Variants in ANXA2R observed in about 807,000 individuals in gnomAD.
ANXA2R encodes the protein annexin A2 receptor, also known as annexin-2 receptor.
For missense variants in ANXA2R, 244 were observed against 241.5 expected (o/e 1.01, Z -0.07); for synonymous variants, 93 against 93.6 (o/e 0.99, Z 0.04).
rs1034978605 is a variant in ANXA2R, at chr5:43,040,085, G to A, written c.-39C>T. The A allele has an allele frequency of 1.3e-6, 2 of 1,550,362 alleles. No individual in the cohort carries two copies. Among genetic ancestry groups the A allele is most frequent in the African/African-American group, 2.7e-5 (2 of 73,046 alleles). ...GACCAACGTTTGCGCTGATCAAGGA[G>A]GGAGAGTCTCTGCACTACCATCAGC... is the stretch of plus-strand genomic sequence containing the variant. On this transcript the variant is annotated 5_prime_UTR_variant, in exon 1 of 1. Coordinates refer to ENST00000616064, the MANE Select transcript of ANXA2R (RefSeq NM_001014279.3).
At position 43,039,509 on chromosome 5, in the gene ANXA2R, G is replaced by C; in HGVS notation, c.538C>G (p.Leu180Val). 5 of 1,604,890 alleles carry C rather than the reference G, an allele frequency of 3.1e-6. No homozygotes were observed. Among genetic ancestry groups the C allele is most frequent in the Non-Finnish European group, 4.3e-6 (5 of 1,174,930 alleles). ...LRVGFAAFSV[L>V]WACCSRICGA... is the part of the protein sequence containing the mutation. ...CAGATCCGTGAACAGCACGCCCAGAGTACAGAGAACGCGGCAAAACCAACG... is the reference window on the plus strand; with the variant it reads ...CAGATCCGTGAACAGCACGCCCAGACTACAGAGAACGCGGCAAAACCAACG... The change falls in exon 1 of 1, where the codon CTC (leucine) becomes GTC (valine). Residue 180 changes from leucine to valine, a missense_variant. Leu to Val is a conservative substitution (Grantham distance 32). Transcript: ENST00000616064.
Position 43,039,765 on chromosome 5 carries a change from C to T in ANXA2R, c.282G>A (p.Pro94=), listed in dbSNP as rs1048867218. ...GTGCCTCTTGCTGCTTCTGTGTCCCCGGCCAACTGAACTCAGTGGGCTTCG... is the reference window on the plus strand; with the variant it reads ...GTGCCTCTTGCTGCTTCTGTGTCCCTGGCCAACTGAACTCAGTGGGCTTCG... ...STAKPTEFSW[P]GTQKQQEAPV... The change falls in exon 1 of 1, where the codon CCG becomes CCA. Residue 94 remains proline (P), a synonymous_variant. Transcript: ENST00000616064. The T allele has an allele frequency of 1.2e-6, 2 of 1,614,074 alleles. No individual in the cohort carries two copies. The highest frequency in any genetic ancestry group is 1.3e-5 in the African/African-American group (1 of 74,912).
upstream of ANXA2R, chr5:43,042,921 C>G (rs1279718578): frequency 2.0e-5 from 3 of 152,284 alleles, no homozygotes; most frequent in Non-Finnish European, 4.4e-5. This position sits in a 1 kb window ranked among gnomAD's most constrained non-coding sequence, Gnocchi z 5.6. Context: ...AAAAAACTGT[C>G]GTCCCATAGC....
upstream of ANXA2R, chr5:43,042,330 A>G (rs555304333): frequency 1.3e-5 from 2 of 152,772 alleles, no homozygotes; most frequent in South Asian, 4.1e-4. This position sits in a 1 kb window ranked among gnomAD's most constrained non-coding sequence, Gnocchi z 5.6. Flanking sequence ...AGCTGTGAAC[A>G]AGAGACCACG....
chr5:43,042,593 G>A (rs1038275122), upstream of ANXA2R: 1 of 152,740 alleles, frequency 6.5e-6, no homozygotes, highest in Non-Finnish European at 1.5e-5. This position sits in a 1 kb window ranked among gnomAD's most constrained non-coding sequence, Gnocchi z 5.6. Context: ...GGCACTAGAG[G>A]GCCTCGGATG....
In ANXA2R at chr5:43,039,919, A is replaced by G; in HGVS notation, c.128T>C (p.Val43Ala). The G allele has an allele frequency of 6.2e-7, 1 of 1,614,210 alleles. No individual in the cohort carries two copies. Among genetic ancestry groups the G allele is most frequent in the Non-Finnish European group, 8.5e-7 (1 of 1,180,028 alleles). The change falls in exon 1 of 1, where the codon GTA becomes GCA. Residue 43 changes from valine (V) to alanine (A), a missense_variant. Physicochemically the swap from Val to Ala is moderately conservative, Grantham distance 64. Transcript: ENST00000616064. Reference protein sequence around the residue: ...RGPWPLPLYPVLGEYSLDSCD... With the variant: ...RGPWPLPLYPALGEYSLDSCD... The stretch of plus-strand genomic sequence containing the variant: ...GCTGTCCAGTGAGTACTCTCCTAGT[A>G]CTGGATACAAAGGAAGAGGCCACGG...
chr5:43,042,601 A>C (rs900787926), upstream of ANXA2R: 7 of 152,720 alleles, frequency 4.6e-5, no homozygotes, highest in African/African-American at 7.2e-5. This position sits in a 1 kb window ranked among gnomAD's most constrained non-coding sequence, Gnocchi z 5.6. Context: ...AGGGCCTCGG[A>C]TGGAGAAAGC....
Position 43,039,738 on chromosome 5 carries a change from G to A in ANXA2R, c.309C>T (p.Pro103=), listed in dbSNP as rs768074328. ...WPGTQKQQEA[P]VEEVGQAEEP... is the part of the protein sequence containing the mutation. ...CCTCTGCCTGCCCCACCTCTTCTAC[G>A]GGTGCCTCTTGCTGCTTCTGTGTCC... The change falls in exon 1 of 1, where the codon CCC becomes CCT. Residue 103 remains proline, a synonymous_variant. Transcript: ENST00000616064. 1.2e-6 allele frequency: 2 copies of A among 1,614,196 alleles called. No individual in the cohort carries two copies. Among genetic ancestry groups the A allele is most frequent in the Non-Finnish European group, 8.5e-7 (1 of 1,180,044 alleles).
chr5:43,039,621 C>A lies in ANXA2R; in HGVS notation c.426G>T (p.Gly142=). The A allele has an allele frequency of 6.2e-7, 1 of 1,613,782 alleles. No individual in the cohort carries two copies. ...RQQDTEVCDS[G]CLLERRHPPA... is the part of the protein sequence containing the mutation. ...GAGGATGGCGGCGTTCCAAAAGGCA[C>A]CCGCTGTCACAGACCTCGGTGTCCT... is the stretch of plus-strand genomic sequence containing the variant. The change falls in exon 1 of 1, where the codon GGG becomes GGT. Residue 142 remains glycine, a synonymous_variant. Transcript: ENST00000616064.
upstream of ANXA2R, chr5:43,040,845 T>C (rs1742181314): frequency 6.6e-6 from 1 of 152,148 alleles, no homozygotes; most frequent in Admixed American, 6.5e-5. Context: ...TAGGAGATAC[T>C]AGCGGTTGTA....
upstream of ANXA2R, chr5:43,043,050 A>T (rs2111975743): frequency 6.6e-6 from 1 of 152,410 alleles, no homozygotes; most frequent in South Asian, 2.1e-4. Flanking sequence ...ACTTGGTGAA[A>T]CCAACCTTGT....
chr5:43,039,860 G>T lies in ANXA2R; in HGVS notation c.187C>A (p.Arg63=). 6.2e-7 allele frequency: 1 copy of T among 1,614,222 alleles called. No individual in the cohort carries two copies. Among genetic ancestry groups the T allele is most frequent in the Non-Finnish European group, 8.5e-7 (1 of 1,180,038 alleles). Residue 63 remains arginine, a synonymous_variant, in exon 1 of 1, where the codon CGG becomes AGG. Coordinates refer to ENST00000616064, the MANE Select transcript of ANXA2R (RefSeq NM_001014279.3). The part of the protein sequence containing the change: ...DLGLLSSPCW[R]LPGVYWQNGL... ...TTTTGCCAGTAGACTCCGGGCAGCCGCCAGCAAGGGCTGGAAAGCAGTCCC... is the reference window on the plus strand; with the variant it reads ...TTTTGCCAGTAGACTCCGGGCAGCCTCCAGCAAGGGCTGGAAAGCAGTCCC...
upstream of ANXA2R, chr5:43,041,316 A>T (rs1260976725): frequency 1.3e-5 from 2 of 152,150 alleles, no homozygotes; most frequent in Non-Finnish European, 2.9e-5. Context: ...TTTCTGTCAG[A>T]TCTAAACCCC....
chr5:43,043,017 G>A (rs1175253502), upstream of ANXA2R: 5 of 152,298 alleles, frequency 3.3e-5, no homozygotes, highest in Non-Finnish European at 5.9e-5. Flanking sequence ...GCGCAGAGCG[G>A]TGCCAGTGCC....
rs1202793232 is a variant in ANXA2R at position 43,039,977 on chromosome 5, G to T, written c.70C>A (p.Pro24Thr). 6.2e-7 allele frequency: 1 copy of T among 1,613,928 alleles called. No individual in the cohort carries two copies. Among genetic ancestry groups the T allele is most frequent in the South Asian group, 1.1e-5 (1 of 91,080 alleles). Residue 24 changes from proline (P) to threonine (T), a missense_variant, in exon 1 of 1, where the codon CCT (proline) becomes ACT (threonine). Physicochemically the swap from Pro to Thr is conservative, Grantham distance 38. Transcript: ENST00000616064. ...DSAEVAPEPQ[P>T]PPIVSSEDRG... Reference sequence around the variant, plus strand: ...TCTTCTGAACTCACAATAGGTGGAGGCTGGGGCTCTGGCGCCACCTCTGCG... The same window carrying T: ...TCTTCTGAACTCACAATAGGTGGAGTCTGGGGCTCTGGCGCCACCTCTGCG...
rs778480787 is a variant in ANXA2R, at chr5:43,039,535, C to G, written c.512G>C (p.Arg171Pro). The G allele has an allele frequency of 1.2e-6, 2 of 1,612,020 alleles. No homozygotes were observed. Among genetic ancestry groups the G allele is most frequent in the Non-Finnish European group, 1.7e-6 (2 of 1,178,830 alleles). ...TACAGAGAACGCGGCAAAACCAACG[C>G]GAAGAATCCACTCCAGGCAGTCTGA... is the stretch of plus-strand genomic sequence containing the variant. ...GFSDCLEWIL[R>P]VGFAAFSVLW... The change falls in exon 1 of 1, where the codon CGC (arginine) becomes CCC (proline). Residue 171 changes from arginine to proline, a missense_variant. Transcript: ENST00000616064.
Position 43,039,410 on chromosome 5 carries a change from T to C in ANXA2R, c.*55A>G. On this transcript the variant is annotated 3_prime_UTR_variant, in exon 1 of 1. Coordinates refer to ENST00000616064, the MANE Select transcript of ANXA2R (RefSeq NM_001014279.3). ...ATTTTTATTTTCTAGGTGGAGACGT[T>C]TGGTAACTGAGAATCTTTTCAAGGA... 1 of 1,398,768 alleles carries C rather than the reference T, an allele frequency of 7.1e-7. No homozygotes were observed. Among genetic ancestry groups the C allele is most frequent in the Non-Finnish European group, 9.5e-7 (1 of 1,047,686 alleles). 86.6% of individuals were successfully genotyped at this position (1,398,768 alleles called of 1,614,324 possible). A position where few individuals can be genotyped will look rare whatever the true frequency, so the allele number is the denominator to read the frequency against.
chr5:43,040,516 A>C, upstream of ANXA2R: 2 of 157,512 alleles, frequency 1.3e-5, no homozygotes, highest in Non-Finnish European at 2.8e-5. Flanking sequence ...CCAAACAAAT[A>C]TCCGTTTTGG....
At position 43,039,502 on chromosome 5, in the gene ANXA2R, G is replaced by T; in HGVS notation, c.545C>A (p.Ala182Glu). The change falls in exon 1 of 1, where the codon GCG becomes GAG. Residue 182 changes from alanine to glutamate, a missense_variant. Physicochemically the swap from Ala to Glu is moderately radical, Grantham distance 107. Transcript: ENST00000616064. ...VGFAAFSVLW[A>E]CCSRICGAKQ... is the part of the protein sequence containing the mutation. ...AGCTCCACAGATCCGTGAACAGCAC[G>T]CCCAGAGTACAGAGAACGCGGCAAA... 1 of 1,598,092 alleles carries T rather than the reference G, an allele frequency of 6.3e-7. No homozygotes were observed. The highest frequency in any genetic ancestry group is 1.1e-5 in the South Asian group (1 of 88,352).
Sources: gnomAD v4.1 joint callset for allele counts on GRCh38, gnomAD v4.1.1 for gene constraint, Gnocchi (gnomAD v3.1) non-coding constraint, MANE v1.5 for transcripts, NCBI Gene and HGNC (gene_info 2026-07-23, HGNC 2026-07-21) for gene names.